The following SLC25A26 variants were observed in gnomAD, a reference collection of about 807,000 sequenced individuals.
SLC25A26 encodes mitochondrial S-adenosylmethionine carrier protein.
A neutral mutation model predicts 37.8 loss-of-function variants in SLC25A26; 36 were observed. That is an observed-to-expected ratio of 0.95 (90% CI 0.73 to 1.26). The LOEUF (loss-of-function observed/expected upper bound fraction) is 1.26, where lower values mean the gene tolerates loss of function less well. SLC25A26 is among the 50% of genes most tolerant of loss of function. The pLI is 0.00. For synonymous variants in SLC25A26, 129 were observed against 122.5 expected, an observed-to-expected ratio of 1.05 and a Z score of -0.35; for missense variants, 390 against 331.1, an observed-to-expected ratio of 1.18 and a Z score of -1.38.
At chr3:66,343,415 TGTCA>T (rs1434689056) in intron 5 of SLC25A26, among the ~76,000 whole-genome samples, 2 of 152,252 alleles carry the variant, frequency 1.3e-5, no homozygotes. Flanking sequence ...TACTTTAGAC[TGTCA>T]GTCTTGTTTT....
At chr3:66,270,998 G>T (rs1174494695) in intron 5 of SLC25A26, among the ~76,000 whole-genome samples, 3 of 152,176 alleles carry the variant, frequency 2.0e-5, no homozygotes, top group African/African-American at 7.2e-5. Context: ...AGGGGCACCA[G>T]TTCCTGTGTG....
intron 3 of SLC25A26, among the ~76,000 whole-genome samples, chr3:66,243,513 A>G (rs2072685191): frequency 6.6e-6 from 1 of 152,230 alleles, no homozygotes; most frequent in Non-Finnish European, 1.5e-5. Flanking sequence ...GGACAGAAGA[A>G]GAATTCTAGC....
intron 1 of SLC25A26, among the ~76,000 whole-genome samples, chr3:66,183,113 T>C (rs1167474758): frequency 6.6e-6 from 1 of 152,060 alleles, no homozygotes; most frequent in Admixed American, 6.5e-5. Flanking sequence ...TGGCCTTGCA[T>C]TTCCCCAGAC....
intron 1 of SLC25A26, among the ~76,000 whole-genome samples, chr3:66,202,323 C>A (rs1285927583): frequency 6.6e-6 from 1 of 151,732 alleles, no homozygotes; most frequent in African/African-American, 2.4e-5. Flanking sequence ...AGAAGACATG[C>A]ATATAGGGAG....
At chr3:66,203,954 A>G (rs2071140796) in intron 1 of SLC25A26, among the ~76,000 whole-genome samples, 1 of 152,176 alleles carries the variant, frequency 6.6e-6, no homozygotes, top group African/African-American at 2.4e-5. Context: ...TAGCCCCGAT[A>G]CACAGTAGGC....
chr3:66,286,763 TC>T (rs560624470), intron 5 of SLC25A26, among the ~76,000 whole-genome samples: 5 of 152,202 alleles, frequency 3.3e-5, no homozygotes, highest in African/African-American at 1.2e-4. Flanking sequence ...CACTGCAGCC[TC>T]CCTTCTGGAT....
chr3:66,141,809 G>A (rs956477679), intron 1 of SLC25A26, among the ~76,000 whole-genome samples: 9 of 152,094 alleles, frequency 5.9e-5, no homozygotes, highest in African/African-American at 1.2e-4. Flanking sequence ...CCACTGCGCC[G>A]GTCTTGAATG....
At chr3:66,371,279 G>A (rs1445902656) in intron 9 of SLC25A26, 8 of 1,549,770 alleles carry the variant, frequency 5.2e-6, no homozygotes, top group Non-Finnish European at 6.1e-6. Context: ...CAGCTGCCTG[G>A]ACTTCGGGCG....
intron 1 of SLC25A26, among the ~76,000 whole-genome samples, chr3:66,147,076 T>C (rs141613695): frequency 1.3e-3 from 32 of 24,900 alleles, no homozygotes; most frequent in South Asian, 3.8e-3. Context: ...CCCCTTCCCT[T>C]CCCTCCCCTC....
intron 6 of SLC25A26, among the ~76,000 whole-genome samples, chr3:66,346,655 G>A (rs1293495355): frequency 6.7e-6 from 1 of 150,074 alleles, no homozygotes; most frequent in Non-Finnish European, 1.5e-5. Context: ...AAAAAACTTA[G>A]GTTTACTTTT....
At chr3:66,218,400 A>G (rs910685244), upstream of SLC25A26, among the ~76,000 whole-genome samples, 189 of 152,330 alleles carry the variant, frequency 1.2e-3, no homozygotes, top group Middle Eastern at 0.01. Flanking sequence ...TCGAAACAGC[A>G]ATGTATGAGA....
chr3:66,147,698 C>T (rs546202699), intron 1 of SLC25A26, among the ~76,000 whole-genome samples: 18 of 152,280 alleles, frequency 1.2e-4, no homozygotes, highest in East Asian at 5.8e-4. Context: ...AATTTACATT[C>T]CCACCAGCAA....
chr3:66,251,762 T>G (rs782811195), intron 3 of SLC25A26, among the ~76,000 whole-genome samples: 4 of 152,206 alleles, frequency 2.6e-5, no homozygotes, highest in Non-Finnish European at 4.4e-5. Flanking sequence ...ACCCCCAGTT[T>G]CTCGATGAGT....
Position 66,204,448 on chromosome 3 carries a change from G to A in SLC25A26, c.-353-16294G>A, listed in dbSNP as rs1369912146. 5.2e-3 allele frequency among the ~76,000 whole-genome samples: 517 copies of A among 100,264 alleles called. 4 individuals are homozygous for A. The highest frequency in any genetic ancestry group is 0.023 in the Middle Eastern group (4 of 174). 65.8% of individuals were successfully genotyped at this position (100,264 alleles called of 152,430 possible). ...CTCAAAAAAAAAAAAAAGAAAAAAAGAAAAAAGAAAGAAAAAGAAAAAAGA... is the reference window on the plus strand; with the variant it reads ...CTCAAAAAAAAAAAAAAGAAAAAAAAAAAAAAGAAAGAAAAAGAAAAAAGA... On this transcript the variant is annotated intron_variant, in intron 1 of 10. Coordinates refer to the SLC25A26 transcript ENST00000676754.
At chr3:66,311,320 G>C (rs1019116572) in intron 5 of SLC25A26, among the ~76,000 whole-genome samples, 3 of 151,978 alleles carry the variant, frequency 2.0e-5, no homozygotes, top group Non-Finnish European at 4.4e-5. Flanking sequence ...AAATTCTCGT[G>C]CTGTGTTTTC....
chr3:66,277,368 T>C (rs1245700712), intron 5 of SLC25A26, among the ~76,000 whole-genome samples: 1 of 152,174 alleles, frequency 6.6e-6, no homozygotes, highest in African/African-American at 2.4e-5. Context: ...TATTGTATTA[T>C]ATGTGTAAAC....
intron 6 of SLC25A26, among the ~76,000 whole-genome samples, chr3:66,347,053 A>G (rs946554316): frequency 2.6e-5 from 4 of 152,170 alleles, no homozygotes; most frequent in African/African-American, 9.7e-5. Flanking sequence ...CATTAAGGAC[A>G]TGGACATGGG....
intron 5 of SLC25A26, among the ~76,000 whole-genome samples, chr3:66,345,797 C>T (rs2107735892): frequency 6.6e-6 from 1 of 152,304 alleles, no homozygotes; most frequent in South Asian, 2.1e-4. Flanking sequence ...TTTTATTATG[C>T]TGGGAAATAT....
intron 1 of SLC25A26, among the ~76,000 whole-genome samples, chr3:66,148,020 G>A (rs949764853): frequency 3.3e-5 from 5 of 152,100 alleles, no homozygotes; most frequent in Non-Finnish European, 5.9e-5. Context: ...GCCTCCCAAA[G>A]TGTTGGGATT....
Sources: gnomAD v4.1 joint callset for allele counts (sites outside exome capture counted in the v4.1 genomes callset) on GRCh38, gnomAD v4.1.1 for gene constraint, MANE v1.5 for transcripts, NCBI Gene and HGNC (gene_info 2026-07-23, HGNC 2026-07-21) for gene names.